The following UPF2 variants were observed in gnomAD, a reference collection of about 807,000 sequenced individuals.
UPF2 encodes regulator of nonsense transcripts 2.
UPF2 carries 17 observed loss-of-function variants against 141.4 expected under a neutral mutation model. The observed-to-expected ratio is 0.12, with a 90% CI of 0.08 to 0.18. The LOEUF (loss-of-function observed/expected upper bound fraction) is 0.18, where lower values mean the gene tolerates loss of function less well. Among genes scored for constraint, UPF2 ranks in the 10% least tolerant of loss-of-function variants. The pLI, the probability that UPF2 is intolerant of heterozygous loss-of-function variation, is 1.00. For synonymous variants in UPF2, 540 were observed against 498.0 expected, an observed-to-expected ratio of 1.08 and a Z score of -1.12; for missense variants, 1,152 against 1,515.9, an observed-to-expected ratio of 0.76 and a Z score of 3.99.
rs373757956 is a variant in UPF2 at position 12,035,448 on chromosome 10, G to C, written c.-18-7C>G. The stretch of plus-strand genomic sequence containing the variant: ...TTATGTGACCCAGGACAATCTGTAA[G>C]AGGGAAAGAATGTCAGTACCATAGA... On this transcript the variant is annotated splice_region_variant and splice_polypyrimidine_tract_variant and intron_variant, in intron 1 of 21. Coordinates refer to ENST00000357604, the MANE Select transcript of UPF2 (RefSeq NM_015542.4). The C allele has an allele frequency of 3.2e-5, 48 of 1,516,482 alleles. No homozygotes were observed. Among genetic ancestry groups the C allele is most frequent in the Middle Eastern group, 1.8e-4 (1 of 5,434 alleles). 93.9% of individuals were successfully genotyped at this position (1,516,482 alleles called of 1,614,324 possible).
chr10:12,031,821 A>G (rs1834529267), intron 2 of UPF2, among the ~76,000 whole-genome samples: 1 of 152,186 alleles, frequency 6.6e-6, no homozygotes, highest in African/African-American at 2.4e-5. Context: ...GTACATTTTC[A>G]TCTTTCTGAG....
chr10:12,004,644 C>A lies in UPF2; in HGVS notation c.1390G>T (p.Ala464Ser). 6.2e-7 allele frequency: 1 copy of A among 1,613,878 alleles called. No homozygotes were observed. The highest frequency in any genetic ancestry group is 8.5e-7 in the Non-Finnish European group (1 of 1,179,912). Residue 464 changes from alanine to serine, a missense_variant, in exon 5 of 22, where the codon GCT becomes TCT. Ala to Ser is a moderately conservative substitution (Grantham distance 99, BLOSUM62 1). Around this residue, in one of 4 missense-constraint regions of UPF2, gnomAD observed 739 missense variants for 1,032.2 expected, o/e 0.72. Transcript: ENST00000357604. ...ATGAGGTTCTCATAAAAATTCCGAGCATCTTCATCTTCCCATATACCACCT... is the reference window on the plus strand; with the variant it reads ...ATGAGGTTCTCATAAAAATTCCGAGAATCTTCATCTTCCCATATACCACCT... ...LEGGIWEDED[A>S]RNFYENLIDL...
intron 5 of UPF2, among the ~76,000 whole-genome samples, chr10:12,004,238 G>A (rs1247748633): frequency 1.3e-5 from 2 of 152,060 alleles, no homozygotes; most frequent in East Asian, 3.8e-4. Flanking sequence ...GATACCTGGG[G>A]GAAATGTGCA....
chr10:11,999,791 T>G (rs1228703899), intron 7 of UPF2, 115 bp downstream of exon 7: 2 of 834,254 alleles, frequency 2.4e-6, no homozygotes, highest in Non-Finnish European at 3.9e-6. Flanking sequence ...AAGACTTTAT[T>G]TGAAGAAATG....
Position 11,942,651 on chromosome 10 carries a change from A to G in UPF2, c.3378+14T>C. The G allele has an allele frequency of 6.2e-7, 1 of 1,610,514 alleles. No individual in the cohort carries two copies. The highest frequency in any genetic ancestry group is 1.1e-5 in the South Asian group (1 of 90,862). On this transcript the variant is annotated intron_variant, in intron 18 of 21. Transcript: ENST00000357604. The stretch of plus-strand genomic sequence containing the variant: ...GTATTGAGAAGAGTCTTTGAAACAA[A>G]TGACATTTAATACCTGTAGATTTTC...
chr10:11,986,461 T>A (rs1290927038), intron 8 of UPF2, among the ~76,000 whole-genome samples: 1 of 152,128 alleles, frequency 6.6e-6, no homozygotes, highest in East Asian at 1.9e-4. Context: ...AAGAAATTCT[T>A]ATGGGTTTTC....
In UPF2 at chr10:11,979,695, A is replaced by AAG. The variant is rs1329681580; in HGVS notation, c.1845-532_1845-531dup. Among the ~76,000 whole-genome samples, 1 of 152,180 alleles carries AAG rather than the reference A, an allele frequency of 6.6e-6. No individual in the cohort carries two copies. Among genetic ancestry groups the AAG allele is most frequent in the Non-Finnish European group, 1.5e-5 (1 of 68,024 alleles). On this transcript the variant is annotated intron_variant, in intron 8 of 21. Transcript: ENST00000357604. This position sits in a 1 kb window ranked among gnomAD's most constrained non-coding sequence, Gnocchi z 6.2. ...GCCGAGGCAGGCAGATCATGAGGTA[A>AAG]AGAGATCAAGACTATCCTGGCTAAC...
intron 8 of UPF2, 32 bp downstream of exon 8, chr10:11,997,640 A>G: frequency 6.3e-7 from 1 of 1,598,506 alleles, no homozygotes; most frequent in South Asian, 1.1e-5. Context: ...CAGAGTAAAA[A>G]CACTAATAAA....
chr10:11,991,074 A>G (rs965011251), intron 8 of UPF2, among the ~76,000 whole-genome samples: 1 of 152,172 alleles, frequency 6.6e-6, no homozygotes, highest in African/African-American at 2.4e-5. Context: ...GGGTAAGTAC[A>G]GCATCAGTGC....
At position 11,939,575 on chromosome 10, in the gene UPF2, C is replaced by T. The variant is rs1011956372; in HGVS notation, c.3379-2863G>A. ...GTCTCCCCCGGCTGGAGTGCAATGG[C>T]GTGATCTCGGCTCACTGCAACCTCC... On this transcript the variant is annotated intron_variant, in intron 18 of 21. Transcript: ENST00000357604. The surrounding 1 kb of genome is among the most constrained non-coding windows in gnomAD (Gnocchi z 4.8). Among the ~76,000 whole-genome samples, 4 of 151,302 alleles carry T rather than the reference C, an allele frequency of 2.6e-5. No individual in the cohort carries two copies. The highest frequency in any genetic ancestry group is 1.9e-4 in the East Asian group (1 of 5,150).
At chr10:11,963,398 C>T (rs142373987) in intron 11 of UPF2, among the ~76,000 whole-genome samples, 54 of 152,250 alleles carry the variant, frequency 3.5e-4, no homozygotes, top group African/African-American at 1.2e-3. Flanking sequence ...AGTGCAGTGG[C>T]GAGATCATGA....
intron 11 of UPF2, among the ~76,000 whole-genome samples, chr10:11,963,391 G>GC (rs1833270833): frequency 6.6e-6 from 1 of 152,138 alleles, no homozygotes; most frequent in Non-Finnish European, 1.5e-5. Flanking sequence ...AGGCTGGAGT[G>GC]CAGTGGCGAG....
At position 12,014,703 on chromosome 10, in the gene UPF2, A is replaced by T. The variant is rs918391989; in HGVS notation, c.1146-519T>A. On this transcript the variant is annotated intron_variant, in intron 3 of 21. Transcript: ENST00000357604. The surrounding 1 kb of genome is among the most constrained non-coding windows in gnomAD (Gnocchi z 5.0). The stretch of plus-strand genomic sequence containing the variant: ...ACAGAACTAACCAAAAATATTTAAC[A>T]CAACTACACAACTCAGTTTTCAAAA... 6.6e-6 allele frequency among the ~76,000 whole-genome samples: 1 copy of T among 152,240 alleles called. No individual in the cohort carries two copies. The highest frequency in any genetic ancestry group is 1.5e-5 in the Non-Finnish European group (1 of 68,038).
chr10:11,958,301 T>C (rs1343081321), intron 12 of UPF2, among the ~76,000 whole-genome samples: 2 of 152,250 alleles, frequency 1.3e-5, no homozygotes, highest in African/African-American at 2.4e-5. Context: ...TTTCTCCTTA[T>C]ATAAAATGGA....
chr10:11,981,840 C>T (rs1833600874), intron 8 of UPF2, among the ~76,000 whole-genome samples: 1 of 152,178 alleles, frequency 6.6e-6, no homozygotes, highest in Non-Finnish European at 1.5e-5. Flanking sequence ...CAAGCACCAC[C>T]GTGCCCGGCT....
In UPF2 at chr10:11,968,065, C is replaced by G. The variant is rs545333356; in HGVS notation, c.1954-611G>C. ...GTAGTGGCAGGCGCCTGTAATCCCA[C>G]CTACTTGGGAAGCTGAGGCAGGAGA... On this transcript the variant is annotated intron_variant, in intron 9 of 21. Coordinates refer to ENST00000357604, the MANE Select transcript of UPF2 (RefSeq NM_015542.4). Among the ~76,000 whole-genome samples, 237 of 152,064 alleles carry G rather than the reference C, an allele frequency of 1.6e-3. 1 individual carries two copies. Among genetic ancestry groups the G allele is most frequent in the African/African-American group, 5.3e-3 (219 of 41,498 alleles).
At chr10:11,987,354 A>G (rs901608965) in intron 8 of UPF2, among the ~76,000 whole-genome samples, 8 of 152,194 alleles carry the variant, frequency 5.3e-5, no homozygotes, top group African/African-American at 1.7e-4. Flanking sequence ...AGATATAAAC[A>G]CTTAATGTGA....
intron 2 of UPF2, among the ~76,000 whole-genome samples, chr10:12,032,483 A>G (rs1393761420): frequency 6.6e-6 from 1 of 152,070 alleles, no homozygotes; most frequent in Non-Finnish European, 1.5e-5. Flanking sequence ...CTAGTTCACT[A>G]TACTATTCTA....
chr10:11,925,099 T>G (rs1003108030), intron 21 of UPF2, among the ~76,000 whole-genome samples: 2 of 152,164 alleles, frequency 1.3e-5, no homozygotes, highest in African/African-American at 4.8e-5. Flanking sequence ...GATACAGGTA[T>G]GAGCCATCAC....
Sources: allele counts gnomAD v4.1 joint callset (sites outside exome capture counted in the v4.1 genomes callset), GRCh38; gene constraint gnomAD v4.1.1; regional missense constraint gnomAD v4.1.1; non-coding constraint Gnocchi (gnomAD v3.1); transcripts MANE v1.5; gene names NCBI Gene and HGNC (gene_info 2026-07-23, HGNC 2026-07-21).